Variants in SGK3 observed in about 807,000 individuals in gnomAD.
SGK3 encodes serum/glucocorticoid regulated kinase family member 3.
A neutral mutation model predicts 68.5 loss-of-function variants in SGK3; 47 were observed. The observed-to-expected ratio is 0.69, with a 90% CI of 0.54 to 0.87. SGK3 has a LOEUF of 0.87. Among genes scored for constraint, SGK3 ranks in the 40% least tolerant of loss-of-function variants. SGK3 has a pLI of 0.00. For missense variants in SGK3, 479 were observed against 575.5 expected (o/e 0.83, Z 1.72); for synonymous variants, 181 against 189.1 (o/e 0.96, Z 0.35).
chr8:66,805,452 G>A (rs1808118047), intron 4 of SGK3, among the ~76,000 whole-genome samples: 1 of 151,012 alleles, frequency 6.6e-6, no homozygotes, highest in Admixed American at 6.6e-5. Flanking sequence ...CCGGGAGGCA[G>A]AGGTTGCAGT....
At chr8:66,769,631 T>G (rs1450668930) in intron 1 of SGK3, among the ~76,000 whole-genome samples, 1 of 152,246 alleles carries the variant, frequency 6.6e-6, no homozygotes, top group Non-Finnish European at 1.5e-5. Context: ...ATCTGGTGTA[T>G]TTTCCACTTT....
At chr8:66,857,799 A>ATGTGTGTG (rs111758415) in intron 16 of SGK3, among the ~76,000 whole-genome samples, 3,833 of 133,754 alleles carry the variant, frequency 0.029, 66 homozygotes, top group Middle Eastern at 0.039. Context: ...GTGTGTGTGT[A>ATGTGTGTG]TGTGTGTGTG....
chr8:66,744,493 A>G (rs1424010129), intron 1 of SGK3, among the ~76,000 whole-genome samples: 706 of 17,894 alleles, frequency 0.039, 13 homozygotes, highest in South Asian at 0.12. Context: ...GTATATATAT[A>G]TATATATATA....
intron 1 of SGK3, among the ~76,000 whole-genome samples, chr8:66,769,263 G>C (rs1162716982): frequency 6.6e-6 from 1 of 151,792 alleles, no homozygotes; most frequent in Non-Finnish European, 1.5e-5. Flanking sequence ...TCACTCTGTT[G>C]CCCAAGCTAG....
intron 1 of SGK3, among the ~76,000 whole-genome samples, chr8:66,757,398 C>T (rs1189085369): frequency 2.0e-5 from 3 of 151,866 alleles, no homozygotes; most frequent in African/African-American, 7.3e-5. Context: ...CTAGGCCTCT[C>T]GAAGGGCTGG....
chr8:66,723,095 A>ATATATATATATG (rs1395652544), intron 1 of SGK3, among the ~76,000 whole-genome samples: 1 of 19,122 alleles, frequency 5.2e-5, no homozygotes, highest in Non-Finnish European at 9.4e-5. Context: ...TTGTTCATAT[A>ATATATATATATG]TATATATATA....
intron 5 of SGK3, among the ~76,000 whole-genome samples, chr8:66,818,964 G>A (rs939541837): frequency 6.6e-6 from 1 of 152,182 alleles, no homozygotes; most frequent in Non-Finnish European, 1.5e-5. Flanking sequence ...TTTAACTTTA[G>A]TGGATAATGC....
intron 5 of SGK3, among the ~76,000 whole-genome samples, chr8:66,817,453 G>A (rs984444774): frequency 1.3e-5 from 2 of 151,222 alleles, no homozygotes; most frequent in African/African-American, 4.8e-5. Flanking sequence ...AAAAACAAAC[G>A]GAGTTTCACC....
At chr8:66,763,802 A>T (rs936921714) in intron 1 of SGK3, among the ~76,000 whole-genome samples, 2 of 152,032 alleles carry the variant, frequency 1.3e-5, no homozygotes, top group African/African-American at 2.4e-5. Context: ...TTTCTCCTAC[A>T]TCAGAATTCC....
chr8:66,784,642 A>G (rs893054472), intron 1 of SGK3, among the ~76,000 whole-genome samples: 2 of 152,244 alleles, frequency 1.3e-5, no homozygotes, highest in South Asian at 2.1e-4. Flanking sequence ...ATACCCAAGG[A>G]CAGTAAGTAG....
At chr8:66,713,349 A>T (rs1391068345) in intron 1 of SGK3, among the ~76,000 whole-genome samples, 1 of 152,226 alleles carries the variant, frequency 6.6e-6, no homozygotes, top group Non-Finnish European at 1.5e-5. Context: ...TTTGGAATGT[A>T]CCCACAAGAA....
At chr8:66,717,033 T>TAA (rs528976087) in intron 1 of SGK3, among the ~76,000 whole-genome samples, 1 of 139,894 alleles carries the variant, frequency 7.1e-6, no homozygotes. Context: ...CTGTCTCTAC[T>TAA]AAAAAAAAAA....
At chr8:66,784,125 T>C (rs1323037177) in intron 1 of SGK3, among the ~76,000 whole-genome samples, 2 of 152,188 alleles carry the variant, frequency 1.3e-5, no homozygotes, top group African/African-American at 2.4e-5. Context: ...GATACCGAAC[T>C]CCTGGGCTCA....
chr8:66,859,658 T>G lies in SGK3; in HGVS notation c.*77T>G. 7.0e-7 allele frequency: 1 copy of G among 1,422,672 alleles called. No individual in the cohort carries two copies. The highest frequency in any genetic ancestry group is 9.4e-7 in the Non-Finnish European group (1 of 1,067,414). The allele number at this position is 1,422,672 out of a possible 1,614,324, so 88.1% of individuals were successfully genotyped here. On this transcript the variant is annotated 3_prime_UTR_variant, in exon 17 of 17. Coordinates refer to ENST00000521198, the MANE Select transcript of SGK3 (RefSeq NM_001033578.3). The stretch of plus-strand genomic sequence containing the variant: ...GAAACTTCTATTTGTGTGAATATAT[T>G]CAAATATGTATAACTAGTGCCTCAT...
At chr8:66,794,443 T>C (rs1043906799) in intron 2 of SGK3, among the ~76,000 whole-genome samples, 2 of 152,058 alleles carry the variant, frequency 1.3e-5, no homozygotes, top group Non-Finnish European at 2.9e-5. Flanking sequence ...AGTAGTCCTA[T>C]TAGTATATAC....
chr8:66,790,513 A>G (rs574394525), intron 1 of SGK3, among the ~76,000 whole-genome samples: 1 of 152,200 alleles, frequency 6.6e-6, no homozygotes, highest in Non-Finnish European at 1.5e-5. Flanking sequence ...CCAGTGCCGT[A>G]TGTTAACACA....
chr8:66,768,089 C>A (rs1003095714), intron 1 of SGK3: 18 of 492,636 alleles, frequency 3.7e-5, no homozygotes, highest in Middle Eastern at 3.2e-4. Flanking sequence ...TATACCACAT[C>A]ACTTATAGAA....
intron 16 of SGK3, among the ~76,000 whole-genome samples, chr8:66,852,693 A>G (rs921739323): frequency 2.6e-5 from 4 of 152,096 alleles, no homozygotes; most frequent in East Asian, 2.0e-4. Context: ...GCTGGTATTA[A>G]TTAATAGGTG....
At chr8:66,839,008 T>C (rs1052308344) in intron 10 of SGK3, among the ~76,000 whole-genome samples, 4 of 152,166 alleles carry the variant, frequency 2.6e-5, no homozygotes, top group African/African-American at 9.7e-5. Flanking sequence ...TTGGCTAATG[T>C]CCACATAGGA....
Sources: allele counts gnomAD v4.1 joint callset (sites outside exome capture counted in the v4.1 genomes callset), GRCh38; gene constraint gnomAD v4.1.1; transcripts MANE v1.5; gene names NCBI Gene and HGNC (gene_info 2026-07-23, HGNC 2026-07-21).